EDIL3: variants seen among roughly 807,000 people sequenced by gnomAD.
EDIL3 encodes the protein EGF-like repeat and discoidin I-like domain-containing protein 3.
In EDIL3, 37 loss-of-function variants were observed where a neutral mutation model predicts 67.4. The observed-to-expected ratio is 0.55, with a 90% CI of 0.42 to 0.72. EDIL3 has a LOEUF of 0.72. EDIL3 is among the 30% of genes least tolerant of loss of function. The probability of loss-of-function intolerance (pLI) is 0.00; values close to 1 mark genes in which losing one functional copy is unlikely to be tolerated. For synonymous variants in EDIL3, 195 were observed against 196.3 expected (o/e 0.99, Z 0.05); for missense variants, 527 against 586.3 (o/e 0.90, Z 1.04).
intron 9 of EDIL3, among the ~76,000 whole-genome samples, chr5:84,054,483 A>G (rs1473657224): frequency 6.6e-6 from 1 of 152,214 alleles, no homozygotes; most frequent in Non-Finnish European, 1.5e-5. Context: ...AGAAAGAAAT[A>G]AAGGGTATTC....
At chr5:84,221,965 C>A (rs966393108) in intron 3 of EDIL3, among the ~76,000 whole-genome samples, 2 of 151,834 alleles carry the variant, frequency 1.3e-5, no homozygotes, top group African/African-American at 4.8e-5. Flanking sequence ...AACCCTTGTT[C>A]ATTAGAAAAT....
At chr5:84,276,496 A>C (rs1216741912) in intron 1 of EDIL3, among the ~76,000 whole-genome samples, 2 of 152,014 alleles carry the variant, frequency 1.3e-5, no homozygotes, top group African/African-American at 4.8e-5. Flanking sequence ...AATCTTACTC[A>C]AGCATTTGCT....
intron 4 of EDIL3, among the ~76,000 whole-genome samples, chr5:84,148,542 A>C (rs1748327482): frequency 6.6e-6 from 1 of 152,156 alleles, no homozygotes; most frequent in African/African-American, 2.4e-5. Context: ...TTAAAGACTT[A>C]AATTGGGGTT....
chr5:84,033,473 G>A (rs1464272680), intron 9 of EDIL3, among the ~76,000 whole-genome samples: 1 of 152,068 alleles, frequency 6.6e-6, no homozygotes, highest in African/African-American at 2.4e-5. Context: ...ATTTTGGGAG[G>A]CCAAGGCAGG....
intron 1 of EDIL3, among the ~76,000 whole-genome samples, chr5:84,347,254 G>GT (rs1561264469): frequency 6.6e-6 from 1 of 152,112 alleles, no homozygotes; most frequent in African/African-American, 2.4e-5. Flanking sequence ...ATGATGCCCT[G>GT]TTTGTATCTG....
rs115106023 is a variant in EDIL3, at chr5:84,078,045, A to T, written c.652-11439T>A. ...AAAACAAAAATATCAAATAATATCA[A>T]GTATTGGTGAAGTATTCTGATGCTG... On this transcript the variant is annotated intron_variant, in intron 6 of 10. Coordinates refer to ENST00000296591, the MANE Select transcript of EDIL3 (RefSeq NM_005711.5). 5.9e-3 allele frequency among the ~76,000 whole-genome samples: 902 copies of T among 152,322 alleles called. 12 individuals are homozygous for T. The highest frequency in any genetic ancestry group is 0.021 in the African/African-American group (857 of 41,564).
intron 9 of EDIL3, among the ~76,000 whole-genome samples, chr5:84,055,152 A>C (rs1282028107): frequency 4.8e-5 from 7 of 145,886 alleles, no homozygotes; most frequent in African/African-American, 1.9e-4. Flanking sequence ...AGAAATAATA[A>C]CACACATCTA....
intron 1 of EDIL3, among the ~76,000 whole-genome samples, chr5:84,372,731 T>C (rs1747880588): frequency 6.6e-6 from 1 of 152,166 alleles, no homozygotes. Context: ...TCAGTCCATG[T>C]CCTCATCTGT....
At chr5:83,948,984 T>A (rs1744361154) in intron 10 of EDIL3, among the ~76,000 whole-genome samples, 1 of 151,850 alleles carries the variant, frequency 6.6e-6, no homozygotes, top group Admixed American at 6.6e-5. Context: ...AAGAAATTCA[T>A]TTCCAGATAA....
At chr5:84,354,693 T>C (rs566710453) in intron 1 of EDIL3, among the ~76,000 whole-genome samples, 2 of 152,090 alleles carry the variant, frequency 1.3e-5, no homozygotes, top group African/African-American at 4.8e-5. Flanking sequence ...AAATTAACTT[T>C]ATAATTTTTT....
intron 9 of EDIL3, among the ~76,000 whole-genome samples, chr5:84,000,937 G>T (rs559158882): frequency 1.3e-5 from 2 of 151,486 alleles, no homozygotes; most frequent in South Asian, 4.2e-4. Context: ...TGAAACAAAA[G>T]AAAATGGAAA....
intron 5 of EDIL3, among the ~76,000 whole-genome samples, chr5:84,107,653 C>T (rs1004622588): frequency 2.0e-5 from 3 of 151,010 alleles, no homozygotes; most frequent in Admixed American, 1.3e-4. Context: ...AAGATTAAAA[C>T]ACATTATGCT....
At chr5:84,092,262 A>G (rs938109591) in intron 6 of EDIL3, among the ~76,000 whole-genome samples, 9 of 152,226 alleles carry the variant, frequency 5.9e-5, no homozygotes, top group African/African-American at 2.2e-4. Context: ...ACTGTACCAT[A>G]TCATAAACTA....
chr5:84,370,069 T>C (rs1182475160), intron 1 of EDIL3, among the ~76,000 whole-genome samples: 1 of 152,214 alleles, frequency 6.6e-6, no homozygotes, highest in Non-Finnish European at 1.5e-5. Context: ...ACAGTTTTTA[T>C]TTTATACACC....
intron 6 of EDIL3, among the ~76,000 whole-genome samples, chr5:84,095,164 A>G (rs1747241564): frequency 6.6e-6 from 1 of 152,204 alleles, no homozygotes; most frequent in Admixed American, 6.6e-5. Context: ...GAGACGAGAC[A>G]TATTTTTACT....
rs537420323 is a variant in EDIL3, at chr5:84,154,863, C to T, written c.356-17509G>A. Among the ~76,000 whole-genome samples the T allele has an allele frequency of 2.0e-5, 3 of 152,024 alleles. No individual in the cohort carries two copies. In the East Asian group the frequency reaches 5.8e-4, roughly 30 times the overall value. Reference sequence around the variant, plus strand: ...TACAAGCGCCCGCCACCACGCCCAGCTAATTTTCGTATTTTTAGAAGAGAC... The same window carrying T: ...TACAAGCGCCCGCCACCACGCCCAGTTAATTTTCGTATTTTTAGAAGAGAC... On this transcript the variant is annotated intron_variant, in intron 4 of 10. Transcript: ENST00000296591.
chr5:84,047,446 G>A (rs2301086), intron 9 of EDIL3, among the ~76,000 whole-genome samples: 57,723 of 151,916 alleles, frequency 0.38, 12,551 homozygotes, highest in African/African-American at 0.61. Flanking sequence ...TTAAGTAGAT[G>A]TGTTATTCAT....
chr5:84,093,271 T>C (rs1561428934), intron 6 of EDIL3, among the ~76,000 whole-genome samples: 1 of 152,230 alleles, frequency 6.6e-6, no homozygotes, highest in East Asian at 1.9e-4. Context: ...AAAGGTGCCA[T>C]GGGAATAGAC....
At chr5:84,324,709 A>G (rs376105852) in intron 1 of EDIL3, among the ~76,000 whole-genome samples, 10 of 151,888 alleles carry the variant, frequency 6.6e-5, no homozygotes, top group South Asian at 2.1e-4. Context: ...TATTAAAATC[A>G]GAAATCAGAG....
Sources: gnomAD v4.1 joint callset for allele counts (sites outside exome capture counted in the v4.1 genomes callset) on GRCh38, gnomAD v4.1.1 for gene constraint, MANE v1.5 for transcripts, NCBI Gene and HGNC (gene_info 2026-07-23, HGNC 2026-07-21) for gene names.